Variants in NAV1 observed in about 807,000 individuals in gnomAD.
NAV1 encodes pore membrane and/or filament interacting like protein 3.
A neutral mutation model predicts 175.2 loss-of-function variants in NAV1; 18 were observed. The ratio of observed to expected loss-of-function variants is 0.10; its 90% CI spans 0.07 to 0.15. NAV1 has a LOEUF of 0.15. Ranked by LOEUF, NAV1 falls within the 10% of genes least tolerant of loss-of-function variation. The pLI is 1.00. For synonymous variants in NAV1, 897 were observed against 978.7 expected, an observed-to-expected ratio of 0.92 and a Z score of 1.56; for missense variants, 1,731 against 2,436.6, an observed-to-expected ratio of 0.71 and a Z score of 6.10.
At chr1:201,700,190 C>A (rs1212993707) in intron 1 of NAV1, among the ~76,000 whole-genome samples, 1 of 152,152 alleles carries the variant, frequency 6.6e-6, no homozygotes, top group African/African-American at 2.4e-5. Flanking sequence ...GCAATCTACC[C>A]ATCTGACAAA....
At position 201,725,389 on chromosome 1, in the gene NAV1, C is replaced by T. The variant is rs1051529325; in HGVS notation, c.1226+6634C>T. 3.3e-5 allele frequency among the ~76,000 whole-genome samples: 5 copies of T among 152,188 alleles called. No individual in the cohort carries two copies. In the East Asian group the frequency reaches 5.8e-4, roughly 18 times the overall value. On this transcript the variant is annotated intron_variant, in intron 3 of 29. Coordinates refer to ENST00000367296, the Ensembl canonical transcript of NAV1. ...GCAGAGAGCAGTAGGGGGCCATCCT[C>T]GGGAGGACCCAACATTCAAGTTCAG... is the stretch of plus-strand genomic sequence containing the variant.
intron 1 of NAV1, among the ~76,000 whole-genome samples, chr1:201,567,858 C>T (rs1177846166): frequency 6.6e-6 from 1 of 151,952 alleles, no homozygotes; most frequent in Non-Finnish European, 1.5e-5. Context: ...AGACCCCTGC[C>T]TGCACATCGA....
At chr1:201,622,325 C>A (rs1051596166), upstream of NAV1, among the ~76,000 whole-genome samples, 10 of 152,190 alleles carry the variant, frequency 6.6e-5, no homozygotes, top group African/African-American at 2.2e-4. Context: ...GCCCTCCCAC[C>A]CTTGGGCCCC....
At chr1:201,654,789 A>G (rs1180425000) in intron 1 of NAV1, among the ~76,000 whole-genome samples, 1 of 152,160 alleles carries the variant, frequency 6.6e-6, no homozygotes, top group Non-Finnish European at 1.5e-5. Flanking sequence ...ATCCCACTAT[A>G]GCATCATAGG....
chr1:201,611,017 G>A (rs1667827934), intron 2 of NAV1, among the ~76,000 whole-genome samples: 1 of 152,106 alleles, frequency 6.6e-6, no homozygotes, highest in South Asian at 2.1e-4. Context: ...TCCCCATTCA[G>A]AGCCAGGAGC....
At chr1:201,582,825 G>A (rs1347108089) in intron 1 of NAV1, among the ~76,000 whole-genome samples, 2 of 152,224 alleles carry the variant, frequency 1.3e-5, no homozygotes, top group Non-Finnish European at 1.5e-5. Context: ...GCCCCTGCCT[G>A]CTGATTGCAA....
chr1:201,659,690 T>A (rs936873086), intron 1 of NAV1, among the ~76,000 whole-genome samples: 1 of 152,156 alleles, frequency 6.6e-6, no homozygotes, highest in African/African-American at 2.4e-5. Context: ...GAGAAGACAT[T>A]CCAGTTATCC....
chr1:201,803,725 G>A lies in NAV1; in HGVS notation c.3639+11G>A, dbSNP rs1205565330. 4 of 1,464,264 alleles carry A rather than the reference G, an allele frequency of 2.7e-6. No homozygotes were observed. In the South Asian group the frequency reaches 4.7e-5, roughly 17 times the overall value. 90.7% of individuals were successfully genotyped at this position (1,464,264 alleles called of 1,614,324 possible). A position where few individuals can be genotyped will look rare whatever the true frequency, so the allele number is the denominator to read the frequency against. ...AAAAAAAAGAGTTGGGTAGGTAAAG[G>A]TTTGGGGGGTGGGAAGTAGGTAGAA... On this transcript the variant is annotated intron_variant, in intron 16 of 29. Coordinates refer to ENST00000367296, the Ensembl canonical transcript of NAV1.
At chr1:201,633,637 G>A (rs1265088347) in intron 2 of NAV1, among the ~76,000 whole-genome samples, 1 of 152,212 alleles carries the variant, frequency 6.6e-6, no homozygotes, top group African/African-American at 2.4e-5. Flanking sequence ...GTCCCAGGAT[G>A]CCACTGGCAT....
chr1:201,715,986 A>G (rs2102479146), intron 2 of NAV1, among the ~76,000 whole-genome samples: 1 of 152,182 alleles, frequency 6.6e-6, no homozygotes, highest in African/African-American at 2.4e-5. Flanking sequence ...TTAAGTCTAG[A>G]GATGTCTAGA....
intron 3 of NAV1, among the ~76,000 whole-genome samples, chr1:201,735,881 A>G (rs1673095873): frequency 6.6e-6 from 1 of 152,148 alleles, no homozygotes; most frequent in Non-Finnish European, 1.5e-5. Flanking sequence ...TGGCCAGGTA[A>G]TTCCCCATTG....
chr1:201,580,609 C>T (rs1211444738), intron 1 of NAV1, among the ~76,000 whole-genome samples: 1 of 151,980 alleles, frequency 6.6e-6, no homozygotes, highest in African/African-American at 2.4e-5. Flanking sequence ...CCCGTCTCTG[C>T]TAAAAATACA....
At chr1:201,602,688 C>T (rs1257028208) in intron 2 of NAV1, among the ~76,000 whole-genome samples, 2 of 137,588 alleles carry the variant, frequency 1.5e-5, no homozygotes, top group African/African-American at 2.8e-5. Context: ...ACCATGAGCT[C>T]ATCCAGAGTT....
chr1:201,637,049 T>A (rs1399930013), intron 2 of NAV1, among the ~76,000 whole-genome samples: 1 of 152,228 alleles, frequency 6.6e-6, no homozygotes, highest in African/African-American at 2.4e-5. Context: ...TGCCAGTGAT[T>A]ATTCTATTAA....
chr1:201,555,019 C>T (rs1320080837), intron 1 of NAV1, among the ~76,000 whole-genome samples: 1 of 152,194 alleles, frequency 6.6e-6, no homozygotes, highest in Non-Finnish European at 1.5e-5. Context: ...CTCCCTGTGG[C>T]CTTCACATCC....
At chr1:201,811,737 C>T (rs1558193549) in exon 25 of NAV1, 1 of 1,607,414 alleles carries the variant, frequency 6.2e-7, no homozygotes, top group Admixed American at 1.7e-5. Context: ...ATGGGGCCCT[C>T]ACCTGCAAGT....
chr1:201,723,236 A>C (rs1672466313), intron 3 of NAV1: 1 of 152,182 alleles, frequency 6.6e-6, no homozygotes, highest in Non-Finnish European at 1.5e-5. Context: ...TCTTCTTTGG[A>C]GAGATATCTA....
intron 15 of NAV1, chr1:201,794,868 G>A (rs562183350): frequency 4.7e-5 from 16 of 341,884 alleles, no homozygotes; most frequent in Non-Finnish European, 8.6e-5. Flanking sequence ...CGTTAAAATA[G>A]CCCTTTACAT....
intron 3 of NAV1, among the ~76,000 whole-genome samples, chr1:201,773,582 T>C (rs1301446709): frequency 6.6e-6 from 1 of 152,028 alleles, no homozygotes; most frequent in African/African-American, 2.4e-5. Context: ...GAAAGGAAAG[T>C]GGTAATACAA....
Sources: allele counts gnomAD v4.1 joint callset (sites outside exome capture counted in the v4.1 genomes callset), GRCh38; gene constraint gnomAD v4.1.1; transcripts MANE v1.5; gene names NCBI Gene and HGNC (gene_info 2026-07-23, HGNC 2026-07-21).